Variants in INO80 observed in about 807,000 individuals in gnomAD.
INO80 encodes chromatin-remodeling ATPase INO80.
A neutral mutation model predicts 203.4 loss-of-function variants in INO80; 20 were observed. That is an observed-to-expected ratio of 0.10 (90% CI 0.07 to 0.14). The LOEUF is 0.14. Ranked by LOEUF, INO80 falls within the 10% of genes least tolerant of loss-of-function variation. The probability of loss-of-function intolerance (pLI) is 1.00; values close to 1 mark genes in which losing one functional copy is unlikely to be tolerated. For synonymous variants in INO80, 726 were observed against 685.2 expected (o/e 1.06, Z -0.93); for missense variants, 1,419 against 1,914.4 (o/e 0.74, Z 4.83).
At chr15:41,075,581 A>G in intron 9 of INO80, among the ~76,000 whole-genome samples, 1 of 152,132 alleles carries the variant, frequency 6.6e-6, no homozygotes, top group Non-Finnish European at 1.5e-5. Context: ...CAGCCTCCTG[A>G]GTAGCTGGGA....
intron 25 of INO80, among the ~76,000 whole-genome samples, chr15:41,026,976 C>T (rs1041586605): frequency 1.3e-5 from 2 of 152,160 alleles, no homozygotes; most frequent in African/African-American, 4.8e-5. Context: ...AAGTTGAAAC[C>T]ACAATAGAAA....
In INO80 at chr15:40,980,328, A is replaced by G. The variant is rs752274706; in HGVS notation, c.4566T>C (p.Asn1522=). The change falls in exon 36 of 36, where the codon AAT becomes AAC. Residue 1522 remains asparagine, a synonymous_variant. Coordinates refer to ENST00000648947, the MANE Select transcript of INO80 (RefSeq NM_017553.3). ...SPLSSPLSKG[N]NVPGNPKNLH... Reference sequence around the variant, plus strand: ...GGTTCTTGGGATTCCCAGGAACATTATTTCCCTTGCTCAAAGGGGAACTCA... The same window carrying G: ...GGTTCTTGGGATTCCCAGGAACATTGTTTCCCTTGCTCAAAGGGGAACTCA... 2 of 1,614,034 alleles carry G rather than the reference A, an allele frequency of 1.2e-6. No individual in the cohort carries two copies. Among genetic ancestry groups the G allele is most frequent in the East Asian group, 2.2e-5 (1 of 44,884 alleles).
At chr15:41,040,091 C>T (rs962170006) in intron 24 of INO80, among the ~76,000 whole-genome samples, 9 of 152,032 alleles carry the variant, frequency 5.9e-5, no homozygotes, top group South Asian at 2.1e-4. Flanking sequence ...CAACTGTGAT[C>T]GCAGCACTTT....
chr15:41,092,597 A>AT (rs1412002942), intron 4 of INO80, among the ~76,000 whole-genome samples: 1 of 152,182 alleles, frequency 6.6e-6, no homozygotes, highest in Admixed American at 6.5e-5. Context: ...CCATTTATTG[A>AT]TAAATGGATA....
At chr15:41,033,555 G>A (rs1347546723) in intron 24 of INO80, among the ~76,000 whole-genome samples, 1 of 152,020 alleles carries the variant, frequency 6.6e-6, no homozygotes, top group Non-Finnish European at 1.5e-5. Context: ...AAATAACTCT[G>A]GCCAGAGGTA....
At chr15:40,990,431 G>C (rs764874057) in intron 29 of INO80, among the ~76,000 whole-genome samples, 6 of 152,080 alleles carry the variant, frequency 3.9e-5, no homozygotes, top group Non-Finnish European at 8.8e-5. Flanking sequence ...CATGATCTTG[G>C]CTCACTGCAG....
At position 41,027,649 on chromosome 15, in the gene INO80, G is replaced by C. The variant is rs906809076; in HGVS notation, c.2995C>G (p.Arg999Gly). Residue 999 changes from arginine (R) to glycine (G), a missense_variant, in exon 25 of 36, where the codon CGT becomes GGT. Around this residue, in one of 9 missense-constraint regions of INO80, gnomAD observed 302 missense variants for 345.4 expected, o/e 0.87. Coordinates refer to ENST00000648947, the MANE Select transcript of INO80 (RefSeq NM_017553.3). The stretch of plus-strand genomic sequence containing the variant: ...GGCAGCTCAGTGAGCAGGCAGCGAC[G>C]CAGCGAGGAGGTAGCTGATCTCCGC... ...HQRRSATSSL[R>G]RCLLTELPSF... 1 of 1,613,892 alleles carries C rather than the reference G, an allele frequency of 6.2e-7. No individual in the cohort carries two copies. Among genetic ancestry groups the C allele is most frequent in the Non-Finnish European group, 8.5e-7 (1 of 1,179,858 alleles).
At chr15:40,980,520 A>C in intron 35 of INO80, 80 bp from the exon 36 acceptor site, 5 of 1,061,364 alleles carry the variant, frequency 4.7e-6, no homozygotes, top group Non-Finnish European at 7.1e-6. Flanking sequence ...TGGTTACCAG[A>C]GTCTGAGCTG....
At chr15:41,099,070 C>A (rs1157526989) in intron 1 of INO80, among the ~76,000 whole-genome samples, 3 of 151,236 alleles carry the variant, frequency 2.0e-5, no homozygotes, top group Non-Finnish European at 4.4e-5. Flanking sequence ...CATAGCAGGA[C>A]CGTGTCCCTA....
intron 18 of INO80, among the ~76,000 whole-genome samples, chr15:41,054,939 AT>A (rs2044955967): frequency 6.6e-6 from 1 of 152,120 alleles, no homozygotes; most frequent in African/African-American, 2.4e-5. Flanking sequence ...TGCCTGGCCA[AT>A]ATGAATTTTT....
chr15:41,114,877 G>A (rs2046007438), intron 1 of INO80, among the ~76,000 whole-genome samples: 1 of 152,124 alleles, frequency 6.6e-6, no homozygotes, highest in East Asian at 1.9e-4. Flanking sequence ...CTGGAGGGAG[G>A]GGGAATGGGG....
intron 13 of INO80, among the ~76,000 whole-genome samples, chr15:41,070,203 T>C (rs979146902): frequency 1.3e-5 from 2 of 152,258 alleles, no homozygotes; most frequent in Non-Finnish European, 2.9e-5. Context: ...GATCTAACTA[T>C]ATGGCCCTTG....
At chr15:41,107,891 G>T (rs1352252816) in intron 1 of INO80, among the ~76,000 whole-genome samples, 1 of 151,720 alleles carries the variant, frequency 6.6e-6, no homozygotes, top group Non-Finnish European at 1.5e-5. Context: ...CACGAGGTCA[G>T]AAGTTTGAGA....
At chr15:41,060,878 T>C (rs1362924718) in intron 14 of INO80, among the ~76,000 whole-genome samples, 3 of 152,220 alleles carry the variant, frequency 2.0e-5, no homozygotes, top group African/African-American at 4.8e-5. Flanking sequence ...CTTATCTCTA[T>C]AGCTTTTCCT....
intron 1 of INO80, among the ~76,000 whole-genome samples, chr15:41,111,727 C>G (rs964566826): frequency 2.6e-5 from 4 of 151,500 alleles, no homozygotes; most frequent in African/African-American, 9.7e-5. Context: ...CACTTGAACT[C>G]GGGAGGCGGA....
Position 41,056,702 on chromosome 15 carries a change from G to A in INO80, c.1990C>T (p.Arg664Cys). The change falls in exon 17 of 36, where the codon CGT becomes TGT. Residue 664 changes from arginine to cysteine, a missense_variant. Physicochemically the swap from Arg to Cys is radical, Grantham distance 180. Coordinates refer to ENST00000648947, the MANE Select transcript of INO80 (RefSeq NM_017553.3). ...TGGAACTGTAAGAGGATCTTCCAAC[G>A]AACACTGTTTGATAAAATAAGTTAC... ...AQALKSSSSV[R>C]WKILLQFQCR... The A allele has an allele frequency of 6.2e-7, 1 of 1,613,038 alleles. No homozygotes were observed. Among genetic ancestry groups the A allele is most frequent in the Non-Finnish European group, 8.5e-7 (1 of 1,179,076 alleles).
chr15:41,002,760 T>C (rs1230936729), intron 28 of INO80, among the ~76,000 whole-genome samples: 4 of 152,268 alleles, frequency 2.6e-5, no homozygotes, highest in African/African-American at 9.6e-5. Context: ...TTCTATTCAA[T>C]AGAAAAGTGG....
chr15:41,063,868 T>G (rs1055871144), intron 14 of INO80, among the ~76,000 whole-genome samples: 1 of 152,064 alleles, frequency 6.6e-6, no homozygotes, highest in Non-Finnish European at 1.5e-5. Flanking sequence ...CATTCTGTAT[T>G]CAGAAAAAAA....
chr15:41,041,663 G>C (rs2140511893), intron 24 of INO80, among the ~76,000 whole-genome samples: 1 of 151,790 alleles, frequency 6.6e-6, no homozygotes, highest in South Asian at 2.1e-4. Context: ...GGCTGGTCTT[G>C]AACTCCTGAC....
Sources: gnomAD v4.1 joint callset for allele counts (sites outside exome capture counted in the v4.1 genomes callset) on GRCh38, gnomAD v4.1.1 for gene constraint, gnomAD v4.1.1 regional missense constraint, MANE v1.5 for transcripts, NCBI Gene and HGNC (gene_info 2026-07-23, HGNC 2026-07-21) for gene names.